The following ABCD4 variants were observed in gnomAD, a reference collection of about 807,000 sequenced individuals.
ABCD4 encodes the protein lysosomal cobalamin transporter ABCD4.
ABCD4 carries 53 observed loss-of-function variants against 86.3 expected under a neutral mutation model. That is an observed-to-expected ratio of 0.61 (90% CI 0.49 to 0.77). The LOEUF is 0.77. ABCD4 is among the 30% of genes least tolerant of loss of function. The probability of loss-of-function intolerance (pLI) is 0.00; values close to 1 mark genes in which losing one functional copy is unlikely to be tolerated. For synonymous variants in ABCD4, 328 were observed against 313.6 expected, an observed-to-expected ratio of 1.05 and a Z score of -0.49; for missense variants, 757 against 764.5, an observed-to-expected ratio of 0.99 and a Z score of 0.12.
Position 74,300,195 on chromosome 14 carries a change from G to C in ABCD4, c.112C>G (p.Gln38Glu), listed in dbSNP as rs1280127637. 6.2e-7 allele frequency: 1 copy of C among 1,608,510 alleles called. No homozygotes were observed. Among genetic ancestry groups the C allele is most frequent in the South Asian group, 1.1e-5 (1 of 90,994 alleles). The change falls in exon 2 of 19, where the codon CAA (glutamine) becomes GAA (glutamate). Residue 38 changes from glutamine to glutamate, a missense_variant. Gln to Glu is a conservative substitution (Grantham distance 29). Transcript: ENST00000356924. ...AGGGTCAGGAACATCAAGGCATTTT[G>C]TGATGACCAAGAAGGAAACAAAACC... ...LKVLFPSWSS[Q>E]NALMFLTLLC...
chr14:74,301,382 ACTC>A (rs2084469547), intron 1 of ABCD4, among the ~76,000 whole-genome samples: 1 of 150,710 alleles, frequency 6.6e-6, no homozygotes, highest in African/African-American at 2.4e-5. Flanking sequence ...CTGATCTTGA[ACTC>A]CTGGACTCCA....
rs2079584774 is a variant in ABCD4, at chr14:74,285,577, A to G, written c.*884T>C. The G allele has an allele frequency of 6.6e-6, 1 of 152,252 alleles. No homozygotes were observed. Among genetic ancestry groups the G allele is most frequent in the African/African-American group, 2.4e-5 (1 of 41,470 alleles). The allele number at this position is 152,252 out of a possible 1,614,324, so 9.4% of individuals were successfully genotyped here. A position where few individuals can be genotyped will look rare whatever the true frequency, so the allele number is the denominator to read the frequency against. On this transcript the variant is annotated 3_prime_UTR_variant, in exon 19 of 19. Coordinates refer to ENST00000356924, the MANE Select transcript of ABCD4 (RefSeq NM_005050.4). ...AAGCCTGGCAAAAATTATGAAGGTA[A>G]GGAAGGTAATACATAGACAACTGAA...
chr14:74,287,912 G>C, intron 16 of ABCD4, 26 bp from the exon 17 acceptor site: 1 of 1,588,626 alleles, frequency 6.3e-7, no homozygotes, highest in Non-Finnish European at 8.6e-7. Context: ...AGAGAGGACT[G>C]CTAGAGGAGG....
At chr14:74,302,584 G>A (rs2084944595) in intron 1 of ABCD4, among the ~76,000 whole-genome samples, 1 of 152,158 alleles carries the variant, frequency 6.6e-6, no homozygotes, top group Non-Finnish European at 1.5e-5. Context: ...TCAATTTTGT[G>A]CACCTGAGGT....
intron 3 of ABCD4, chr14:74,299,075 C>T (rs7146792): frequency 0.052 from 8,064 of 156,346 alleles, 722 homozygotes; most frequent in African/African-American, 0.18. Flanking sequence ...GGAGGGATGA[C>T]GAAGAGTGAG....
intron 8 of ABCD4, 141 bp from the exon 9 acceptor site, chr14:74,293,010 A>G (rs577128990): frequency 2.4e-5 from 36 of 1,473,172 alleles, no homozygotes; most frequent in Non-Finnish European, 3.3e-5. Context: ...ACTCACAGAA[A>G]GGCAACAGCC....
At position 74,302,917 on chromosome 14, in the gene ABCD4, T is replaced by C; in HGVS notation, c.-5A>G. ...CGCGGGCCCCGCGACCGCCATGACC[T>C]GAGACCCGAGGGACTCTGGAGCCCA... is the stretch of plus-strand genomic sequence containing the variant. On this transcript the variant is annotated 5_prime_UTR_variant, in exon 1 of 19. Transcript: ENST00000356924. 5 of 1,607,724 alleles carry C rather than the reference T, an allele frequency of 3.1e-6. No homozygotes were observed. Among genetic ancestry groups the C allele is most frequent in the Non-Finnish European group, 4.2e-6 (5 of 1,177,412 alleles).
intron 3 of ABCD4, 176 bp downstream of exon 3, chr14:74,299,372 G>T: frequency 1.3e-6 from 1 of 746,858 alleles, no homozygotes; most frequent in Non-Finnish European, 2.2e-6. Context: ...TCCCACGTGG[G>T]CCAATAGCAA....
chr14:74,288,032 C>A, intron 16 of ABCD4, 146 bp from the exon 17 acceptor site: 2 of 1,026,928 alleles, frequency 1.9e-6, no homozygotes, highest in Non-Finnish European at 2.9e-6. Context: ...CATAGGCCTA[C>A]AGCCCTCACA....
chr14:74,288,083 C>T (rs915433619), intron 16 of ABCD4, 124 bp downstream of exon 16: 2 of 1,213,374 alleles, frequency 1.6e-6, no homozygotes, highest in African/African-American at 1.5e-5. Flanking sequence ...TAAACTTGCA[C>T]CCGACTGACC....
rs2079638408 is a variant in ABCD4, at chr14:74,285,874, C to G, written c.*587G>C. Reference sequence around the variant, plus strand: ...GGAGATGTGGGGAGAAGTGAAAAACCCTGGGCATAAGATTCCAGAACAGCA... The same window carrying G: ...GGAGATGTGGGGAGAAGTGAAAAACGCTGGGCATAAGATTCCAGAACAGCA... On this transcript the variant is annotated 3_prime_UTR_variant, in exon 19 of 19. Coordinates refer to ENST00000356924, the MANE Select transcript of ABCD4 (RefSeq NM_005050.4). 1 of 152,242 alleles carries G rather than the reference C, an allele frequency of 6.6e-6. No homozygotes were observed. The highest frequency in any genetic ancestry group is 6.6e-5 in the Admixed American group (1 of 15,262). 9.4% of individuals were successfully genotyped at this position (152,242 alleles called of 1,614,324 possible).
At position 74,288,024 on chromosome 14, in the gene ABCD4, T is replaced by C. The variant is rs114247742; in HGVS notation, c.1560-138A>G. On this transcript the variant is annotated intron_variant, in intron 16 of 18. Coordinates refer to ENST00000356924, the MANE Select transcript of ABCD4 (RefSeq NM_005050.4). ...ACAGAAGCCCCTTCCCTTTCGACCA[T>C]AGGCCTACAGCCCTCACAGAGTGAG... The C allele has an allele frequency of 2.0e-3, 2,085 of 1,054,952 alleles. 23 individuals are homozygous for C. The highest frequency in any genetic ancestry group is 0.019 in the African/African-American group (1,220 of 62,970). The allele number at this position is 1,054,952 out of a possible 1,614,324, so 65.3% of individuals were successfully genotyped here. A position where few individuals can be genotyped will look rare whatever the true frequency, so the allele number is the denominator to read the frequency against.
At chr14:74,297,604 G>T in intron 4 of ABCD4, 1 of 559,666 alleles carries the variant, frequency 1.8e-6, no homozygotes, top group Non-Finnish European at 2.3e-6. Context: ...TGTTGCCCAG[G>T]CTAGAGTACA....
chr14:74,288,797 C>G, intron 14 of ABCD4, 32 bp from the exon 15 acceptor site: 2 of 1,610,392 alleles, frequency 1.2e-6, no homozygotes, highest in Non-Finnish European at 1.7e-6. Flanking sequence ...TGCAAAAAGC[C>G]AGAGCCTCCT....
At chr14:74,298,954 A>AGT (rs1236003699) in intron 3 of ABCD4, 1 of 154,878 alleles carries the variant, frequency 6.5e-6, no homozygotes, top group Non-Finnish European at 1.4e-5. Flanking sequence ...GCGTGTGAGG[A>AGT]GTGTTACAGC....
Position 74,286,767 on chromosome 14 carries a change from G to A in ABCD4, c.1686C>T (p.Leu562=). ...SALTEEVESE[L]YRIGQQLGMT... ...TCCCCAGCTGCTGGCCGATGCGATAGAGCTCGCTCTCCACTTCCTCTGTCA... is the reference window on the plus strand; with the variant it reads ...TCCCCAGCTGCTGGCCGATGCGATAAAGCTCGCTCTCCACTTCCTCTGTCA... Residue 562 remains leucine (L), a synonymous_variant, in exon 18 of 19, where the codon CTC becomes CTT. Coordinates refer to ENST00000356924, the MANE Select transcript of ABCD4 (RefSeq NM_005050.4). The A allele has an allele frequency of 6.2e-7, 1 of 1,614,104 alleles. No homozygotes were observed. The highest frequency in any genetic ancestry group is 8.5e-7 in the Non-Finnish European group (1 of 1,180,034).
At chr14:74,288,457 A>T in intron 15 of ABCD4, 198 bp from the exon 16 acceptor site, 1 of 652,756 alleles carries the variant, frequency 1.5e-6, no homozygotes, top group Non-Finnish European at 2.6e-6. Context: ...CACTGTTTAG[A>T]CTTGCTGGAG....
In ABCD4 at chr14:74,293,244, C is replaced by T. The variant is rs1399230088; in HGVS notation, c.724G>A (p.Gly242Arg). 1 of 1,614,060 alleles carries T rather than the reference C, an allele frequency of 6.2e-7. No individual in the cohort carries two copies. Among genetic ancestry groups the T allele is most frequent in the South Asian group, 1.1e-5 (1 of 91,078 alleles). ...NAEPAAFYRA[G>R]HVEHMRTDRR... The stretch of plus-strand genomic sequence containing the variant: ...TCTGTCCTCATGTGCTCCACATGCC[C>T]AGCTCTGACAAGGAAAGGCTGGGAT... The change falls in exon 8 of 19, where the codon GGG becomes AGG. Residue 242 changes from glycine (G) to arginine (R), a missense_variant. Physicochemically the swap from Gly to Arg is moderately radical, Grantham distance 125. Coordinates refer to ENST00000356924, the MANE Select transcript of ABCD4 (RefSeq NM_005050.4).
Position 74,302,904 on chromosome 14 carries a change from G to A in ABCD4, c.9C>T (p.Val3=), listed in dbSNP as rs72542410. 9 of 1,607,166 alleles carry A rather than the reference G, an allele frequency of 5.6e-6. No homozygotes were observed. The highest frequency in any genetic ancestry group is 2.3e-5 in the East Asian group (1 of 44,052). Residue 3 remains valine (V), a synonymous_variant, in exon 1 of 19, where the codon GTC becomes GTT. Coordinates refer to ENST00000356924, the MANE Select transcript of ABCD4 (RefSeq NM_005050.4). ...CGCCAGCTCCGGGCGCGGGCCCCGC[G>A]ACCGCCATGACCTGAGACCCGAGGG... MA[V]AGPAPGAGAR...
Sources: gnomAD v4.1 joint callset for allele counts (sites outside exome capture counted in the v4.1 genomes callset) on GRCh38, gnomAD v4.1.1 for gene constraint, MANE v1.5 for transcripts, NCBI Gene and HGNC (gene_info 2026-07-23, HGNC 2026-07-21) for gene names.